ADAMTSL1: variants seen among roughly 807,000 people sequenced by gnomAD.
ADAMTSL1 encodes ADAMTS like 1.
A neutral mutation model predicts 201.8 loss-of-function variants in ADAMTSL1; 126 were observed. That is an observed-to-expected ratio of 0.62 (90% CI 0.54 to 0.72). ADAMTSL1 has a LOEUF of 0.72. ADAMTSL1 is among the 30% of genes least tolerant of loss of function. The pLI, the probability that ADAMTSL1 is intolerant of heterozygous loss-of-function variation, is 0.00. For synonymous variants in ADAMTSL1, 1,121 were observed against 903.4 expected (o/e 1.24, Z -4.32); for missense variants, 2,679 against 2,277.8 (o/e 1.18, Z -3.59).
chr9:18,206,195 T>C (rs139794473), intron 2 of ADAMTSL1, among the ~76,000 whole-genome samples: 2,436 of 152,088 alleles, frequency 0.016, 38 homozygotes, highest in Non-Finnish European at 0.026. Flanking sequence ...AGTTGGAACT[T>C]CCAGCGAGGA....
At chr9:18,700,028 C>T (rs1042998952) in intron 13 of ADAMTSL1, among the ~76,000 whole-genome samples, 1 of 152,136 alleles carries the variant, frequency 6.6e-6, no homozygotes, top group African/African-American at 2.4e-5. Context: ...TTTCATAATT[C>T]CACATTCAGA....
At chr9:18,080,485 G>A (rs938196060) in intron 1 of ADAMTSL1, among the ~76,000 whole-genome samples, 3 of 152,176 alleles carry the variant, frequency 2.0e-5, no homozygotes, top group African/African-American at 7.2e-5. Flanking sequence ...AAAGGTACTT[G>A]TGCTAGAAAG....
chr9:18,154,710 A>T (rs1189962777), intron 1 of ADAMTSL1, among the ~76,000 whole-genome samples: 1 of 152,100 alleles, frequency 6.6e-6, no homozygotes, highest in Non-Finnish European at 1.5e-5. Context: ...TTAGGACTTG[A>T]GAGACAAAAA....
intron 2 of ADAMTSL1, among the ~76,000 whole-genome samples, chr9:18,272,131 G>A (rs1413155329): frequency 2.6e-5 from 4 of 152,062 alleles, no homozygotes; most frequent in Non-Finnish European, 5.9e-5. Context: ...TAGGTTGCCT[G>A]TTCACTCTGA....
intron 2 of ADAMTSL1, among the ~76,000 whole-genome samples, chr9:18,463,230 T>C (rs1199535210): frequency 1.3e-5 from 2 of 152,198 alleles, no homozygotes; most frequent in Non-Finnish European, 2.9e-5. Context: ...TGGTTAATCA[T>C]ACTTATTATC....
intron 4 of ADAMTSL1, among the ~76,000 whole-genome samples, chr9:18,610,364 G>T (rs1018839103): frequency 1.3e-5 from 2 of 152,064 alleles, no homozygotes. Flanking sequence ...CTGAAAATTC[G>T]CTGCCTTGTC....
intron 1 of ADAMTSL1, among the ~76,000 whole-genome samples, chr9:18,153,002 G>T (rs1826986250): frequency 6.6e-6 from 1 of 151,918 alleles, no homozygotes; most frequent in Non-Finnish European, 1.5e-5. Context: ...TTGGCATCTA[G>T]AAATTAACTC....
intron 1 of ADAMTSL1, among the ~76,000 whole-genome samples, chr9:18,129,158 A>T (rs1825851624): frequency 6.6e-6 from 1 of 152,142 alleles, no homozygotes; most frequent in Non-Finnish European, 1.5e-5. Flanking sequence ...ATTAAAGGAG[A>T]CAAAAGGCCT....
intron 2 of ADAMTSL1, among the ~76,000 whole-genome samples, chr9:18,322,459 C>G (rs1415492318): frequency 6.6e-6 from 1 of 151,986 alleles, no homozygotes; most frequent in Non-Finnish European, 1.5e-5. Flanking sequence ...ATGGTGAAAC[C>G]CCGTCTCTAC....
chr9:18,622,456 C>A lies in ADAMTSL1; in HGVS notation c.601+87C>A, dbSNP rs773988740. 21 of 1,567,288 alleles carry A rather than the reference C, an allele frequency of 1.3e-5. No homozygotes were observed. In the Admixed American group the frequency reaches 2.1e-4, roughly 16 times the overall value. ...CTGGCCCCACTAAACAGCCAGGGAA[C>A]AACACCTCCACCAAAACGATAATGA... On this transcript the variant is annotated intron_variant, in intron 5 of 28. Transcript: ENST00000380548.
At chr9:18,448,041 C>T (rs1364038340) in intron 2 of ADAMTSL1, among the ~76,000 whole-genome samples, 1 of 152,150 alleles carries the variant, frequency 6.6e-6, no homozygotes, top group Non-Finnish European at 1.5e-5. Flanking sequence ...CTCTCTCTCT[C>T]TCTCTCTCTG....
chr9:18,416,607 A>C (rs942704849), intron 2 of ADAMTSL1, among the ~76,000 whole-genome samples: 15 of 152,062 alleles, frequency 9.9e-5, no homozygotes, highest in African/African-American at 3.6e-4. Context: ...AACATTTATC[A>C]AAAGAAATCT....
At chr9:18,222,333 T>G (rs1461314335) in intron 2 of ADAMTSL1, among the ~76,000 whole-genome samples, 2 of 151,846 alleles carry the variant, frequency 1.3e-5, no homozygotes, top group Non-Finnish European at 2.9e-5. Flanking sequence ...ATCTGTTACT[T>G]TTTTGTTGCT....
chr9:18,688,815 C>G (rs531659476), intron 13 of ADAMTSL1, among the ~76,000 whole-genome samples: 1 of 149,328 alleles, frequency 6.7e-6, no homozygotes, highest in African/African-American at 2.5e-5. Flanking sequence ...TCAAATGCCT[C>G]TGACTGTTGA....
At chr9:18,334,155 A>G (rs1347540728) in intron 2 of ADAMTSL1, among the ~76,000 whole-genome samples, 1 of 152,166 alleles carries the variant, frequency 6.6e-6, no homozygotes, top group Non-Finnish European at 1.5e-5. Context: ...GTTAGTAAGC[A>G]TTTAATGAAA....
At chr9:18,734,298 G>A (rs1478740684) in intron 15 of ADAMTSL1, among the ~76,000 whole-genome samples, 2 of 152,188 alleles carry the variant, frequency 1.3e-5, no homozygotes, top group Non-Finnish European at 2.9e-5. Context: ...TAGGTGATCT[G>A]TGTGTACTTT....
intron 3 of ADAMTSL1, among the ~76,000 whole-genome samples, chr9:18,572,881 C>G (rs1043235307): frequency 6.6e-6 from 1 of 152,108 alleles, no homozygotes; most frequent in East Asian, 1.9e-4. Context: ...AGAATAAAAG[C>G]CTTTCTACAG....
At chr9:18,481,467 G>A (rs1444079247) in intron 1 of ADAMTSL1, among the ~76,000 whole-genome samples, 1 of 151,376 alleles carries the variant, frequency 6.6e-6, no homozygotes. Context: ...ACAGTGAAGA[G>A]CTTGGAAGTG....
chr9:18,550,723 A>C (rs980974342), intron 3 of ADAMTSL1, among the ~76,000 whole-genome samples: 3 of 151,886 alleles, frequency 2.0e-5, no homozygotes, highest in Non-Finnish European at 4.4e-5. Flanking sequence ...TGAGATAATA[A>C]ATTTGTGTTG....
Sources: allele counts gnomAD v4.1 joint callset (sites outside exome capture counted in the v4.1 genomes callset), GRCh38; gene constraint gnomAD v4.1.1; transcripts MANE v1.5; gene names NCBI Gene and HGNC (gene_info 2026-07-23, HGNC 2026-07-21).